Variants in APBB2 observed in about 807,000 individuals in gnomAD.
APBB2 encodes amyloid beta precursor protein binding family B member 2, also known as Fe65-like 1.
Under a neutral mutation model 82.5 loss-of-function variants are expected in APBB2, and 38 were observed. That is an observed-to-expected ratio of 0.46 (90% CI 0.36 to 0.60). The LOEUF (loss-of-function observed/expected upper bound fraction) is 0.60, where lower values mean the gene tolerates loss of function less well. APBB2 is among the 20% of genes least tolerant of loss of function. The probability of loss-of-function intolerance (pLI) is 0.00; values close to 1 mark genes in which losing one functional copy is unlikely to be tolerated. For missense variants in APBB2, 772 were observed against 972.3 expected (o/e 0.79, Z 2.74); for synonymous variants, 341 against 368.2 (o/e 0.93, Z 0.85).
chr4:40,819,243 T>C (rs1399758868), intron 17 of APBB2, among the ~76,000 whole-genome samples: 4 of 148,694 alleles, frequency 2.7e-5, no homozygotes, highest in African/African-American at 1.0e-4. Context: ...TGAAGTGCAG[T>C]GGTGCAATCT....
At chr4:41,055,800 G>T (rs1211082828) in intron 4 of APBB2, among the ~76,000 whole-genome samples, 1 of 152,200 alleles carries the variant, frequency 6.6e-6, no homozygotes, top group East Asian at 1.9e-4. Context: ...AGTGATAATA[G>T]TTGCATCTAT....
chr4:41,024,426 T>C lies in APBB2; in HGVS notation c.19+8810A>G, dbSNP rs114085802. On this transcript the variant is annotated intron_variant, in intron 5 of 17. Transcript: ENST00000508593. The stretch of plus-strand genomic sequence containing the variant: ...GGAGAAACTATCTTCAAACTGTGCA[T>C]CTGACAAAGGTCTAATATCCAGCAC... Among the ~76,000 whole-genome samples the C allele has an allele frequency of 8.3e-3, 1,266 of 152,330 alleles. 20 individuals are homozygous for C. The highest frequency in any genetic ancestry group is 0.028 in the African/African-American group (1,148 of 41,560).
At chr4:40,931,798 C>T (rs1221646354) in intron 10 of APBB2, among the ~76,000 whole-genome samples, 1 of 151,062 alleles carries the variant, frequency 6.6e-6, no homozygotes, top group Non-Finnish European at 1.5e-5. Flanking sequence ...TTTTCTGTGC[C>T]CTTTTTTTTT....
intron 6 of APBB2, among the ~76,000 whole-genome samples, chr4:40,965,789 T>G (rs1794539380): frequency 6.6e-6 from 1 of 152,194 alleles, no homozygotes; most frequent in Admixed American, 6.5e-5. Flanking sequence ...ATTCTTTTTA[T>G]AAAATTTATT....
chr4:40,840,211 G>A (rs974486661), intron 12 of APBB2, among the ~76,000 whole-genome samples: 38 of 152,178 alleles, frequency 2.5e-4, no homozygotes, highest in African/African-American at 8.4e-4. Flanking sequence ...CCTAGCATGA[G>A]ATCCAAAATA....
intron 1 of APBB2, among the ~76,000 whole-genome samples, chr4:41,204,585 A>G (rs1169162247): frequency 6.6e-6 from 1 of 152,214 alleles, no homozygotes; most frequent in Non-Finnish European, 1.5e-5. Context: ...GGAAGCACTG[A>G]GTATTTCTCC....
At chr4:41,007,229 A>G (rs1807005660) in intron 6 of APBB2, among the ~76,000 whole-genome samples, 1 of 151,888 alleles carries the variant, frequency 6.6e-6, no homozygotes, top group Admixed American at 6.6e-5. Context: ...TGAGAAGAGG[A>G]AGAGAGACCT....
chr4:41,111,124 G>A (rs76578871), intron 2 of APBB2, among the ~76,000 whole-genome samples: 1 of 152,196 alleles, frequency 6.6e-6, no homozygotes, highest in Non-Finnish European at 1.5e-5. Flanking sequence ...AGAATCTAAT[G>A]CTGCTGCTGA....
intron 2 of APBB2, among the ~76,000 whole-genome samples, chr4:41,107,337 A>G (rs971749705): frequency 1.2e-4 from 19 of 152,326 alleles, no homozygotes; most frequent in African/African-American, 4.6e-4. Context: ...TTGATGAACT[A>G]TAATACATTG....
At chr4:40,875,680 C>A (rs1578136341) in intron 12 of APBB2, among the ~76,000 whole-genome samples, 1 of 152,084 alleles carries the variant, frequency 6.6e-6, no homozygotes, top group East Asian at 1.9e-4. Flanking sequence ...AATGAACAGC[C>A]CAGCTCTAGG....
intron 12 of APBB2, among the ~76,000 whole-genome samples, chr4:40,843,669 G>A (rs900702713): frequency 2.0e-5 from 3 of 152,220 alleles, no homozygotes; most frequent in Admixed American, 6.5e-5. Context: ...GAAAGCCATT[G>A]TGATCAGCAT....
At chr4:40,932,813 A>T (rs1784528073) in intron 10 of APBB2, among the ~76,000 whole-genome samples, 1 of 152,240 alleles carries the variant, frequency 6.6e-6, no homozygotes, top group South Asian at 2.1e-4. Context: ...ATAATAAAAC[A>T]TAAAAGTTTT....
At chr4:40,981,176 G>A (rs566612527) in intron 6 of APBB2, among the ~76,000 whole-genome samples, 42 of 152,128 alleles carry the variant, frequency 2.8e-4, no homozygotes, top group African/African-American at 8.4e-4. Context: ...AGGCTGAGGC[G>A]GGCGGATCAC....
intron 8 of APBB2, 24 bp downstream of exon 8, chr4:40,935,053 T>G (rs947681869): frequency 3.3e-6 from 5 of 1,499,762 alleles, no homozygotes; most frequent in Admixed American, 2.0e-5. Flanking sequence ...TATTAAATGA[T>G]CTAAGATCTG....
chr4:40,938,685 A>C lies in APBB2; in HGVS notation c.1045-3546T>G, dbSNP rs527466168. Among the ~76,000 whole-genome samples the C allele has an allele frequency of 2.1e-3, 316 of 152,312 alleles. 1 individual carries two copies. Among genetic ancestry groups the C allele is most frequent in the African/African-American group, 7.4e-3 (307 of 41,580 alleles). ...ACGAAGTGGTAGCAAAATGCAAAGC[A>C]GGGGGCAAGAGTGGAGGGTTGAACC... On this transcript the variant is annotated intron_variant, in intron 7 of 17. Coordinates refer to ENST00000508593, the MANE Select transcript of APBB2 (RefSeq NM_004307.2).
intron 4 of APBB2, among the ~76,000 whole-genome samples, chr4:41,056,451 G>A (rs1451779337): frequency 1.3e-5 from 2 of 152,112 alleles, no homozygotes; most frequent in African/African-American, 2.4e-5. Flanking sequence ...GGAGGAAGAT[G>A]ATCTGGAAAT....
chr4:41,018,618 G>C (rs1197148988), intron 5 of APBB2, among the ~76,000 whole-genome samples: 4 of 152,170 alleles, frequency 2.6e-5, no homozygotes, highest in Non-Finnish European at 5.9e-5. Context: ...TGTATATGTT[G>C]AGCCTTTTTC....
At chr4:41,052,208 A>AATAC (rs33920742) in intron 4 of APBB2, among the ~76,000 whole-genome samples, 6,034 of 149,770 alleles carry the variant, frequency 0.04, 164 homozygotes, top group South Asian at 0.067. Flanking sequence ...TCTGTACAAA[A>AATAC]ATACATACAT....
At chr4:41,147,250 C>A (rs1166907423) in intron 1 of APBB2, among the ~76,000 whole-genome samples, 1 of 152,138 alleles carries the variant, frequency 6.6e-6, no homozygotes, top group Non-Finnish European at 1.5e-5. Context: ...ATAAAATAAC[C>A]TCTAACCCAA....
Sources: allele counts gnomAD v4.1 joint callset (sites outside exome capture counted in the v4.1 genomes callset), GRCh38; gene constraint gnomAD v4.1.1; transcripts MANE v1.5; gene names NCBI Gene and HGNC (gene_info 2026-07-23, HGNC 2026-07-21).